Variants in CLEC10A observed in about 807,000 individuals in gnomAD.
CLEC10A encodes C-type lectin domain family 10 member A.
Under a neutral mutation model 42.0 loss-of-function variants are expected in CLEC10A, and 38 were observed. The observed-to-expected ratio is 0.90, with a 90% CI of 0.70 to 1.18. The LOEUF (loss-of-function observed/expected upper bound fraction) is 1.18, where lower values mean the gene tolerates loss of function less well. Ranked by LOEUF, CLEC10A falls within the 50% of genes most tolerant of loss-of-function variation. The pLI, the probability that CLEC10A is intolerant of heterozygous loss-of-function variation, is 0.00. For missense variants in CLEC10A, 298 were observed against 345.9 expected (o/e 0.86, Z 1.10); for synonymous variants, 126 against 139.9 (o/e 0.90, Z 0.70).
At position 7,076,813 on chromosome 17, in the gene CLEC10A, C is replaced by A. The variant is rs1911784298; in HGVS notation, c.281-9G>T. 1 of 1,613,936 alleles carries A rather than the reference C, an allele frequency of 6.2e-7. No homozygotes were observed. The highest frequency in any genetic ancestry group is 8.5e-7 in the Non-Finnish European group (1 of 1,179,970). On this transcript the variant is annotated splice_polypyrimidine_tract_variant and intron_variant, in intron 4 of 8. Coordinates refer to ENST00000416562, the MANE Select transcript of CLEC10A (RefSeq NM_001330070.2). ...TTCTTCCAAGCTGCTGCCTGGAGGA[C>A]ACGGAGACTTGGCTTAGGGGTCAAC...
At position 7,076,785 on chromosome 17, in the gene CLEC10A, C is replaced by T. The variant is rs771818405; in HGVS notation, c.300G>A (p.Thr100=). ...LTSQGSSLEE[T]IASLKAEVEG... is the part of the protein sequence containing the mutation. ...CCACCTCAGCTTTCAGAGATGCTATCGTTTCTTCCAAGCTGCTGCCTGGAG... is the reference window on the plus strand; with the variant it reads ...CCACCTCAGCTTTCAGAGATGCTATTGTTTCTTCCAAGCTGCTGCCTGGAG... Residue 100 remains threonine, a synonymous_variant, in exon 5 of 9, where the codon ACG becomes ACA. Coordinates refer to ENST00000416562, the MANE Select transcript of CLEC10A (RefSeq NM_001330070.2). 1.5e-5 allele frequency: 24 copies of T among 1,613,630 alleles called. No homozygotes were observed. The African/African-American group carries it at 1.6e-4, about 11-fold the overall frequency.
intron 3 of CLEC10A, 64 bp downstream of exon 3, chr17:7,077,933 C>A: frequency 7.9e-7 from 1 of 1,262,462 alleles, no homozygotes; most frequent in Non-Finnish European, 1.2e-6. Flanking sequence ...CCTACTGTAG[C>A]ACCCCATTAT....
At chr17:7,075,297 A>G (rs1256155129) in intron 8 of CLEC10A, 63 bp downstream of exon 8, 1 of 1,506,636 alleles carries the variant, frequency 6.6e-7, no homozygotes, top group East Asian at 2.3e-5. Flanking sequence ...AGAGGCTGCC[A>G]GTCAGATCCC....
Position 7,078,623 on chromosome 17 carries a change from G to A in CLEC10A, c.67+123C>T, listed in dbSNP as rs900499658. On this transcript the variant is annotated intron_variant, in intron 2 of 8. Transcript: ENST00000416562. ...CTTCACACTAGGCCCGTCAGAGGCT[G>A]GGGCCTGACCTCCTCAGAGTTAGGA... is the stretch of plus-strand genomic sequence containing the variant. 23 of 900,304 alleles carry A rather than the reference G, an allele frequency of 2.6e-5. No homozygotes were observed. In the African/African-American group the frequency reaches 3.6e-4, roughly 14 times the overall value. The allele number at this position is 900,304 out of a possible 1,614,324, so 55.8% of individuals were successfully genotyped here. A position where few individuals can be genotyped will look rare whatever the true frequency, so the allele number is the denominator to read the frequency against.
rs1427164750 is a variant in CLEC10A at position 7,074,847 on chromosome 17, T to C, written c.*207A>G. 4.9e-6 allele frequency: 2 copies of C among 406,976 alleles called. No individual in the cohort carries two copies. Among genetic ancestry groups the C allele is most frequent in the Non-Finnish European group, 8.6e-6 (2 of 233,534 alleles). 25.2% of individuals were successfully genotyped at this position (406,976 alleles called of 1,614,324 possible). A position where few individuals can be genotyped will look rare whatever the true frequency, so the allele number is the denominator to read the frequency against. ...ATGTAAAAATTATACCTTCATGAAG[T>C]TGACTTTCAAAAGTTGGAAAAAAAA... On this transcript the variant is annotated 3_prime_UTR_variant, in exon 9 of 9. Transcript: ENST00000416562.
chr17:7,078,182 G>C, intron 2 of CLEC10A, 69 bp from the exon 3 acceptor site: 2 of 1,224,612 alleles, frequency 1.6e-6, no homozygotes, highest in African/African-American at 1.5e-5. Flanking sequence ...AGAGGGCCCA[G>C]GGAGCTGTCT....
chr17:7,079,456 G>A (rs972411350), intron 1 of CLEC10A, among the ~76,000 whole-genome samples: 3 of 151,980 alleles, frequency 2.0e-5, no homozygotes, highest in Admixed American at 6.6e-5. Context: ...GGTGGTGTGC[G>A]CCTGTAATCC....
chr17:7,076,310 T>TC (rs1221233782), intron 5 of CLEC10A, among the ~76,000 whole-genome samples: 46 of 133,470 alleles, frequency 3.4e-4, no homozygotes, highest in East Asian at 1.2e-3. Context: ...TTTCTTTCTT[T>TC]TTTTTTTTTT....
chr17:7,078,554 C>CT (rs913220691), intron 2 of CLEC10A, 192 bp downstream of exon 2: 1 of 612,770 alleles, frequency 1.6e-6, no homozygotes, highest in Non-Finnish European at 2.9e-6. Context: ...GCTGGGTCCA[C>CT]TGTGATCCTC....
chr17:7,077,775 C>CCTCTCCT (rs1567746210), intron 3 of CLEC10A, among the ~76,000 whole-genome samples: 9 of 151,740 alleles, frequency 5.9e-5, no homozygotes, highest in East Asian at 1.9e-4. Flanking sequence ...CCATCAGTGC[C>CCTCTCCT]CCATCAGTGC....
Position 7,074,559 on chromosome 17 carries a change from T to G in CLEC10A, c.*495A>C, listed in dbSNP as rs941080061. On this transcript the variant is annotated 3_prime_UTR_variant, in exon 9 of 9. Transcript: ENST00000416562. ...ACGTAAGTTCTCACGAGAGTATATATTCACTTATATGAAGTATATACACGA... is the reference window on the plus strand; with the variant it reads ...ACGTAAGTTCTCACGAGAGTATATAGTCACTTATATGAAGTATATACACGA... The G allele has an allele frequency of 4.3e-4, 65 of 152,414 alleles. No individual in the cohort carries two copies. Among genetic ancestry groups the G allele is most frequent in the African/African-American group, 1.4e-3 (59 of 41,464 alleles). 9.4% of individuals were successfully genotyped at this position (152,414 alleles called of 1,614,324 possible). A position where few individuals can be genotyped will look rare whatever the true frequency, so the allele number is the denominator to read the frequency against.
At chr17:7,077,756 T>A (rs866149700) in intron 3 of CLEC10A, among the ~76,000 whole-genome samples, 2 of 151,278 alleles carry the variant, frequency 1.3e-5, no homozygotes, top group Middle Eastern at 3.4e-3. Flanking sequence ...TCCATTCCCA[T>A]CAATCACTCC....
At chr17:7,078,622 T>A in intron 2 of CLEC10A, 124 bp downstream of exon 2, 1 of 896,004 alleles carries the variant, frequency 1.1e-6, no homozygotes. Context: ...CGTCAGAGGC[T>A]GGGGCCTGAC....
chr17:7,078,149 C>T, intron 2 of CLEC10A, 36 bp from the exon 3 acceptor site: 1 of 1,511,906 alleles, frequency 6.6e-7, no homozygotes, highest in Non-Finnish European at 9.2e-7. Context: ...GAGGAGGGTC[C>T]AGACACCGGA....
rs1447294577 is a variant in CLEC10A, at chr17:7,077,852, C to G, written c.184+145G>C. On this transcript the variant is annotated intron_variant, in intron 3 of 8. Coordinates refer to ENST00000416562, the MANE Select transcript of CLEC10A (RefSeq NM_001330070.2). ...TGCCCTCACCATGCCCCATTGTTAT[C>G]TCCACAGCTGCCCCCAACACTGTGC... 4 of 682,864 alleles carry G rather than the reference C, an allele frequency of 5.9e-6. 1 individual carries two copies. Among genetic ancestry groups the G allele is most frequent in the African/African-American group, 5.4e-5 (3 of 55,088 alleles). The allele number at this position is 682,864 out of a possible 1,614,324, so 42.3% of individuals were successfully genotyped here.
At chr17:7,075,962 G>C in intron 6 of CLEC10A, 23 bp downstream of exon 6, 1 of 1,613,824 alleles carries the variant, frequency 6.2e-7, no homozygotes, top group Non-Finnish European at 8.5e-7. Flanking sequence ...AGTAGGGCCA[G>C]GTACTCCCCA....
intron 5 of CLEC10A, 32 bp downstream of exon 5, chr17:7,076,701 C>A: frequency 1.9e-6 from 3 of 1,608,964 alleles, no homozygotes; most frequent in Non-Finnish European, 2.6e-6. Context: ...GAGCGCCTAG[C>A]CCCCCACACC....
In CLEC10A at chr17:7,075,149, G is replaced by A. The variant is rs1287677523; in HGVS notation, c.775C>T (p.His259Tyr). 1.2e-6 allele frequency: 2 copies of A among 1,608,386 alleles called. No individual in the cohort carries two copies. The highest frequency in any genetic ancestry group is 3.4e-5 in the Admixed American group (2 of 58,384). The change falls in exon 9 of 9, where the codon CAT becomes TAT. Residue 259 changes from histidine to tyrosine, a missense_variant. Transcript: ENST00000416562. ...LGGGEDCAHFHPDGRWNDDVC... is the reference protein window; with the variant it reads ...LGGGEDCAHFYPDGRWNDDVC... ...TCGTCATTCCACCTGCCGTCTGGAT[G>A]GAAGTGAGCACAGTCCTCGCCTCCA...
At position 7,076,055 on chromosome 17, in the gene CLEC10A, G is replaced by A. The variant is rs751088990; in HGVS notation, c.369C>T (p.Leu123=). ...QERQAVHSEM[L]LRVQQLVQDL... is the part of the protein sequence containing the mutation. ...CTTGCACCAGCTGCTGGACTCGCAG[G>A]AGCATTTCAGAATGAACTGGGACAC... Residue 123 remains leucine (L), a synonymous_variant, in exon 6 of 9, where the codon CTC becomes CTT. Transcript: ENST00000416562. 17 of 1,614,064 alleles carry A rather than the reference G, an allele frequency of 1.1e-5. No homozygotes were observed. Among genetic ancestry groups the A allele is most frequent in the Middle Eastern group, 1.6e-4 (1 of 6,084 alleles).
Sources: allele counts gnomAD v4.1 joint callset (sites outside exome capture counted in the v4.1 genomes callset), GRCh38; gene constraint gnomAD v4.1.1; transcripts MANE v1.5; gene names NCBI Gene and HGNC (gene_info 2026-07-23, HGNC 2026-07-21).